Variants in SLC5A10 observed in about 807,000 individuals in gnomAD.
SLC5A10 encodes the protein solute carrier family 5 member 10.
SLC5A10 carries 55 observed loss-of-function variants against 68.9 expected under a neutral mutation model. The observed-to-expected ratio is 0.80, with a 90% CI of 0.64 to 1.00. SLC5A10 has a LOEUF of 1.00. Ranked by LOEUF, SLC5A10 falls within the 50% of genes least tolerant of loss-of-function variation. SLC5A10 has a pLI of 0.00. For synonymous variants in SLC5A10, 344 were observed against 344.8 expected (o/e 1.00, Z 0.02); for missense variants, 732 against 819.3 (o/e 0.89, Z 1.30).
intron 9 of SLC5A10, among the ~76,000 whole-genome samples, chr17:19,005,815 G>T (rs2043870983): frequency 6.6e-6 from 1 of 152,148 alleles, no homozygotes; most frequent in Admixed American, 6.5e-5. Flanking sequence ...GCCCCCCAAG[G>T]GCTTTATGCT....
chr17:18,973,258 G>T (rs760027517), intron 8 of SLC5A10, among the ~76,000 whole-genome samples: 1 of 152,248 alleles, frequency 6.6e-6, no homozygotes, highest in Non-Finnish European at 1.5e-5. Flanking sequence ...TGGAACATCA[G>T]TCAGGAGATT....
At chr17:18,993,334 C>T (rs192058352) in intron 9 of SLC5A10, among the ~76,000 whole-genome samples, 2 of 152,280 alleles carry the variant, frequency 1.3e-5, no homozygotes, top group African/African-American at 4.8e-5. Context: ...CCTCCCCTGT[C>T]GTCACTCTGG....
chr17:18,963,626 C>T lies in SLC5A10; in HGVS notation c.453+2974C>T, dbSNP rs111923886. On this transcript the variant is annotated intron_variant, in intron 5 of 14. Transcript: ENST00000395645. Reference sequence around the variant, plus strand: ...GCCCTGACCTCACTGGGCTGTGCCCCGGGAATGCCTCACATGTCTGCGCAT... The same window carrying T: ...GCCCTGACCTCACTGGGCTGTGCCCTGGGAATGCCTCACATGTCTGCGCAT... 2.1e-3 allele frequency among the ~76,000 whole-genome samples: 319 copies of T among 152,366 alleles called. 3 individuals are homozygous for T. The highest frequency in any genetic ancestry group is 7.4e-3 in the African/African-American group (306 of 41,586).
chr17:19,011,680 G>A (rs1335827711), intron 9 of SLC5A10, among the ~76,000 whole-genome samples: 1 of 151,936 alleles, frequency 6.6e-6, no homozygotes, highest in Non-Finnish European at 1.5e-5. Context: ...GCTAATGGGA[G>A]GAGCCAGGGA....
chr17:19,021,857 A>G lies in SLC5A10; in HGVS notation c.*1426A>G, dbSNP rs929322524. 7 of 1,267,116 alleles carry G rather than the reference A, an allele frequency of 5.5e-6. No homozygotes were observed. In the African/African-American group the frequency reaches 1.1e-4, roughly 20 times the overall value. The allele number at this position is 1,267,116 out of a possible 1,614,324, so 78.5% of individuals were successfully genotyped here. ...GCCCACGTTCAGTCCAAGGCCGTCCACTGAGCCCCGTGTGACTCTGACAGA... is the reference window on the plus strand; with the variant it reads ...GCCCACGTTCAGTCCAAGGCCGTCCGCTGAGCCCCGTGTGACTCTGACAGA... On this transcript the variant is annotated 3_prime_UTR_variant, in exon 15 of 15. Transcript: ENST00000395645. The surrounding 1 kb of genome is among the most constrained non-coding windows in gnomAD (Gnocchi z 4.1).
intron 9 of SLC5A10, chr17:18,978,527 G>A (rs761977884): frequency 6.2e-6 from 10 of 1,613,210 alleles, no homozygotes; most frequent in Non-Finnish European, 8.5e-6. Context: ...CTCAGCCAGC[G>A]CTGGGCCTTT....
At chr17:18,966,698 C>T (rs1044542739) in intron 5 of SLC5A10, among the ~76,000 whole-genome samples, 2 of 140,928 alleles carry the variant, frequency 1.4e-5, no homozygotes, top group East Asian at 2.1e-4. Context: ...TGCAGTGAGC[C>T]GAGATCGCAC....
Position 19,022,198 on chromosome 17 carries a change from C to T in SLC5A10, c.*1767C>T. ...TGCCTTCAGAAGCCCTGCAACCCAC[C>T]CTCCCTCAGAGGCACCCAAGAGAAG... On this transcript the variant is annotated 3_prime_UTR_variant, in exon 15 of 15. Transcript: ENST00000395645. The T allele has an allele frequency of 3.8e-6, 4 of 1,061,274 alleles. No homozygotes were observed. The highest frequency in any genetic ancestry group is 5.2e-6 in the Non-Finnish European group (4 of 769,438). The allele number at this position is 1,061,274 out of a possible 1,614,324, so 65.7% of individuals were successfully genotyped here. A position where few individuals can be genotyped will look rare whatever the true frequency, so the allele number is the denominator to read the frequency against.
At chr17:18,978,750 T>C (rs775851930) in intron 9 of SLC5A10, 1 of 1,612,908 alleles carries the variant, frequency 6.2e-7, no homozygotes, top group Non-Finnish European at 8.5e-7. Flanking sequence ...CTGTGTGACA[T>C]GAGGTACAGC....
At chr17:18,969,578 A>G in intron 7 of SLC5A10, 156 bp downstream of exon 7, 1 of 640,122 alleles carries the variant, frequency 1.6e-6, no homozygotes. Flanking sequence ...CTAGGCAGTC[A>G]GCCCCCCTGC....
In SLC5A10 at chr17:19,022,261, C is replaced by T. The variant is rs187397886; in HGVS notation, c.*1830C>T. The T allele has an allele frequency of 3.2e-4, 173 of 547,492 alleles. No homozygotes were observed. The highest frequency in any genetic ancestry group is 3.0e-3 in the African/African-American group (152 of 50,504). 33.9% of individuals were successfully genotyped at this position (547,492 alleles called of 1,614,324 possible). Reference sequence around the variant, plus strand: ...GGTGAGGAGGGGTCTCGGGCAGCACCGGAGTTGAACTTTAAGTCCAGATCA... The same window carrying T: ...GGTGAGGAGGGGTCTCGGGCAGCACTGGAGTTGAACTTTAAGTCCAGATCA... On this transcript the variant is annotated 3_prime_UTR_variant, in exon 15 of 15. Coordinates refer to ENST00000395645, the MANE Select transcript of SLC5A10 (RefSeq NM_001042450.4).
At chr17:19,012,096 G>T (rs1645897502) in intron 9 of SLC5A10, among the ~76,000 whole-genome samples, 1 of 152,178 alleles carries the variant, frequency 6.6e-6, no homozygotes, top group Non-Finnish European at 1.5e-5. Context: ...TCTGCACTCT[G>T]GGCCCTCCTG....
chr17:18,957,205 A>G (rs1027541770), intron 1 of SLC5A10, among the ~76,000 whole-genome samples: 1 of 152,198 alleles, frequency 6.6e-6, no homozygotes, highest in Non-Finnish European at 1.5e-5. Flanking sequence ...CACATTACAG[A>G]GGAAGAAACC....
Position 19,000,426 on chromosome 17 carries a change from G to A in SLC5A10, c.983-12984G>A, listed in dbSNP as rs1222309742. Among the ~76,000 whole-genome samples the A allele has an allele frequency of 1.3e-5, 2 of 152,206 alleles. No individual in the cohort carries two copies. The highest frequency in any genetic ancestry group is 3.2e-3 in the Middle Eastern group (1 of 316). On this transcript the variant is annotated intron_variant, in intron 9 of 14. Coordinates refer to ENST00000395645, the MANE Select transcript of SLC5A10 (RefSeq NM_001042450.4). This position sits in a 1 kb window ranked among gnomAD's most constrained non-coding sequence, Gnocchi z 5.2. Reference sequence around the variant, plus strand: ...GGGCTTGTTCCAGGTCCCACAGTCAGGCAGAGGCAGAGCACGGACTCTTGG... The same window carrying A: ...GGGCTTGTTCCAGGTCCCACAGTCAAGCAGAGGCAGAGCACGGACTCTTGG...
intron 9 of SLC5A10, among the ~76,000 whole-genome samples, chr17:19,010,691 A>G (rs2043995532): frequency 6.6e-6 from 1 of 152,076 alleles, no homozygotes; most frequent in South Asian, 2.1e-4. Flanking sequence ...TGTCCCTCCC[A>G]GGAGGGCTGG....
chr17:18,961,232 G>C (rs765811638), intron 5 of SLC5A10, among the ~76,000 whole-genome samples: 9 of 152,190 alleles, frequency 5.9e-5, no homozygotes, highest in Non-Finnish European at 1.2e-4. Flanking sequence ...CCCAGAGAAG[G>C]GAAAGAGCTT....
upstream of SLC5A10, chr17:18,952,131 G>T (rs1357667254): frequency 8.5e-6 from 13 of 1,536,476 alleles, no homozygotes; most frequent in African/African-American, 1.4e-5. Context: ...TGAGCTCCCT[G>T]CCAGGAAACC....
At chr17:18,951,904 C>CT, upstream of SLC5A10, 1 of 385,960 alleles carries the variant, frequency 2.6e-6, no homozygotes, top group Non-Finnish European at 4.7e-6. Context: ...TCCGGGTCCA[C>CT]TAAATGCGGT....
chr17:19,010,717 G>C (rs530407437), intron 9 of SLC5A10, among the ~76,000 whole-genome samples: 1 of 152,312 alleles, frequency 6.6e-6, no homozygotes, highest in South Asian at 2.1e-4. Context: ...CCGAGTGCCA[G>C]TCAGCCTGCC....
Sources: allele counts gnomAD v4.1 joint callset (sites outside exome capture counted in the v4.1 genomes callset), GRCh38; gene constraint gnomAD v4.1.1; non-coding constraint Gnocchi (gnomAD v3.1); transcripts MANE v1.5; gene names NCBI Gene and HGNC (gene_info 2026-07-23, HGNC 2026-07-21).